DNMT3A: variants seen among roughly 807,000 people sequenced by gnomAD.
DNMT3A encodes the protein DNA (cytosine-5)-methyltransferase 3A.
In DNMT3A, 267 loss-of-function variants were observed where a neutral mutation model predicts 117.6. The observed-to-expected ratio is 2.27, with a 90% CI of 2.05 to 2.51. The LOEUF (loss-of-function observed/expected upper bound fraction) is 2.51, where lower values mean the gene tolerates loss of function less well. Ranked by LOEUF, DNMT3A falls within the 30% of genes most tolerant of loss-of-function variation. The pLI is 0.00. For synonymous variants in DNMT3A, 432 were observed against 474.8 expected (o/e 0.91, Z 1.17); for missense variants, 1,029 against 1,260.2 (o/e 0.82, Z 2.78).
chr2:25,324,452 C>G (rs1193108967), intron 1 of DNMT3A, among the ~76,000 whole-genome samples: 1 of 152,194 alleles, frequency 6.6e-6, no homozygotes, highest in East Asian at 1.9e-4. Context: ...GCATGCTAAA[C>G]ACACATCTCA....
At chr2:25,278,408 A>G (rs2031630909) in intron 4 of DNMT3A, among the ~76,000 whole-genome samples, 1 of 152,228 alleles carries the variant, frequency 6.6e-6, no homozygotes, top group Non-Finnish European at 1.5e-5. Context: ...AAGGGGCCCT[A>G]TGCTCAGAGT....
At chr2:25,312,198 C>CA (rs1359811838) in intron 2 of DNMT3A, among the ~76,000 whole-genome samples, 1 of 152,208 alleles carries the variant, frequency 6.6e-6, no homozygotes, top group African/African-American at 2.4e-5. Context: ...CAGCCATGGC[C>CA]ACAGTTGCCA....
chr2:25,308,314 T>C (rs1489449720), intron 2 of DNMT3A, among the ~76,000 whole-genome samples: 1 of 152,184 alleles, frequency 6.6e-6, no homozygotes, highest in Non-Finnish European at 1.5e-5. Context: ...AACTAGGAGC[T>C]GTTTTCCTGC....
intron 3 of DNMT3A, among the ~76,000 whole-genome samples, chr2:25,288,914 A>G (rs933986561): frequency 6.6e-6 from 1 of 152,158 alleles, no homozygotes; most frequent in Non-Finnish European, 1.5e-5. Flanking sequence ...AGGTGTGGAC[A>G]GCTGCTGGCC....
intron 1 of DNMT3A, among the ~76,000 whole-genome samples, chr2:25,340,642 G>A (rs1393903881): frequency 2.0e-5 from 3 of 152,078 alleles, no homozygotes; most frequent in Non-Finnish European, 4.4e-5. Flanking sequence ...CGAAGACCCC[G>A]CTCCGCAGCC....
rs1672748981 is a variant in DNMT3A at position 25,228,229 on chromosome 2, A to T, written c.*6050T>A. On this transcript the variant is annotated 3_prime_UTR_variant, in exon 23 of 23. Transcript: ENST00000321117. ...AAAAAAAAAAAAAAAAAAAAAAAAA[A>T]AAAAAAAAAAAAAAAAAAAAAAATA... 1 of 132,562 alleles carries T rather than the reference A, an allele frequency of 7.5e-6. No homozygotes were observed. 8.2% of individuals were successfully genotyped at this position (132,562 alleles called of 1,614,324 possible).
chr2:25,317,059 T>TTTTG (rs772333582), intron 1 of DNMT3A, among the ~76,000 whole-genome samples: 3 of 152,090 alleles, frequency 2.0e-5, no homozygotes, highest in African/African-American at 7.2e-5. Flanking sequence ...TAGAAACATT[T>TTTTG]TTTGTTTGTT....
In DNMT3A at chr2:25,305,538, A is replaced by T. The variant is rs1229766458; in HGVS notation, c.73-5295T>A. 6.6e-6 allele frequency among the ~76,000 whole-genome samples: 1 copy of T among 152,144 alleles called. No homozygotes were observed. Among genetic ancestry groups the T allele is most frequent in the Non-Finnish European group, 1.5e-5 (1 of 68,006 alleles). ...CTTTACAGAAAGCAGAGCTGGTATT[A>T]TTTTTTTCTGTTACACAGATGAAAC... On this transcript the variant is annotated intron_variant, in intron 2 of 22. Coordinates refer to ENST00000321117, the MANE Select transcript of DNMT3A (RefSeq NM_022552.5). The surrounding 1 kb of genome is among the most constrained non-coding windows in gnomAD (Gnocchi z 4.1).
rs1014504500 is a variant in DNMT3A, at chr2:25,247,948, G to A, written c.855+89C>T. 2.2e-5 allele frequency: 34 copies of A among 1,579,138 alleles called. No homozygotes were observed. The highest frequency in any genetic ancestry group is 2.7e-5 in the Non-Finnish European group (31 of 1,160,932). ...GGTGGAGAGAGCGAGCGGCCCGTGGGAGATGGAGAGAGGAGAGCAGGACGG... is the reference window on the plus strand; with the variant it reads ...GGTGGAGAGAGCGAGCGGCCCGTGGAAGATGGAGAGAGGAGAGCAGGACGG... On this transcript the variant is annotated intron_variant, in intron 7 of 22. Coordinates refer to ENST00000321117, the MANE Select transcript of DNMT3A (RefSeq NM_022552.5). The surrounding 1 kb of genome is among the most constrained non-coding windows in gnomAD (Gnocchi z 5.6).
intron 6 of DNMT3A, among the ~76,000 whole-genome samples, chr2:25,260,155 C>G (rs1227887883): frequency 6.6e-6 from 1 of 152,178 alleles, no homozygotes; most frequent in Non-Finnish European, 1.5e-5. Flanking sequence ...TAGAGAGACC[C>G]CCGCCGCCAA....
rs1376755005 is a variant in DNMT3A at position 25,230,088 on chromosome 2, C to G, written c.*4191G>C. 3.3e-5 allele frequency: 5 copies of G among 152,222 alleles called. No individual in the cohort carries two copies. The highest frequency in any genetic ancestry group is 9.7e-5 in the African/African-American group (4 of 41,446). 9.4% of individuals were successfully genotyped at this position (152,222 alleles called of 1,614,324 possible). On this transcript the variant is annotated 3_prime_UTR_variant, in exon 23 of 23. Coordinates refer to ENST00000321117, the MANE Select transcript of DNMT3A (RefSeq NM_022552.5). ...CAGTCAATCACACCCAGGCCTGTTTCAAAAGCTAACAGGTCCCGGGTGCTC... is the reference window on the plus strand; with the variant it reads ...CAGTCAATCACACCCAGGCCTGTTTGAAAAGCTAACAGGTCCCGGGTGCTC...
At chr2:25,275,432 C>CA in intron 5 of DNMT3A, 68 bp downstream of exon 5, 1 of 1,512,586 alleles carries the variant, frequency 6.6e-7, no homozygotes, top group South Asian at 1.2e-5. Context: ...CCCCCTCACA[C>CA]ACACTCGCCA....
chr2:25,331,747 A>G (rs974204264), intron 1 of DNMT3A, among the ~76,000 whole-genome samples: 1 of 152,108 alleles, frequency 6.6e-6, no homozygotes, highest in African/African-American at 2.4e-5. Flanking sequence ...CCATCGCACA[A>G]GGCACCCCGC....
At chr2:25,300,023 T>G in intron 3 of DNMT3A, 116 bp downstream of exon 3, 1 of 1,039,424 alleles carries the variant, frequency 9.6e-7, no homozygotes, top group East Asian at 2.8e-5. Context: ...GTATACCCCA[T>G]CACCTGGTCT....
chr2:25,272,803 CTTTTTTTT>C (rs1217338234), intron 6 of DNMT3A, among the ~76,000 whole-genome samples: 1 of 130,698 alleles, frequency 7.7e-6, no homozygotes, highest in East Asian at 2.1e-4. Flanking sequence ...TGCACTTTCT[CTTTTTTTT>C]TTTTTTTTGA....
Position 25,246,120 on chromosome 2 carries a change from G to A in DNMT3A, c.1429+40C>T, listed in dbSNP as rs769564249. The A allele has an allele frequency of 4.3e-6, 7 of 1,614,078 alleles. No individual in the cohort carries two copies. In the African/African-American group the frequency reaches 9.3e-5, roughly 22 times the overall value. On this transcript the variant is annotated intron_variant, in intron 11 of 22. Transcript: ENST00000321117. ...AGGCCGCGCCTGCTCCTCGGATGCA[G>A]GCCTCCTGGTGCCACCCTCTCCAGA...
intron 6 of DNMT3A, among the ~76,000 whole-genome samples, chr2:25,269,352 G>A (rs2030659378): frequency 1.3e-5 from 2 of 152,188 alleles, no homozygotes; most frequent in South Asian, 4.1e-4. Flanking sequence ...CCCCAGTGAG[G>A]GTTACAGGGA....
chr2:25,241,925 A>G, intron 16 of DNMT3A: 1 of 575,080 alleles, frequency 1.7e-6, no homozygotes, highest in Non-Finnish European at 2.9e-6. Flanking sequence ...GCCTATCTGG[A>G]AGGCAGTCAA....
At position 25,286,573 on chromosome 2, in the gene DNMT3A, C is replaced by T. The variant is rs542786593; in HGVS notation, c.178-3862G>A. 4.6e-5 allele frequency among the ~76,000 whole-genome samples: 7 copies of T among 152,328 alleles called. No homozygotes were observed. The highest frequency in any genetic ancestry group is 4.1e-4 in the South Asian group (2 of 4,828). ...GGGGGGAGGGCAATGACTTCTGCCA[C>T]GCTCAACCCTTGATTCATCCTACCC... is the stretch of plus-strand genomic sequence containing the variant. On this transcript the variant is annotated intron_variant, in intron 3 of 22. Transcript: ENST00000321117. The surrounding 1 kb of genome is among the most constrained non-coding windows in gnomAD (Gnocchi z 4.3).
Sources: allele counts gnomAD v4.1 joint callset (sites outside exome capture counted in the v4.1 genomes callset), GRCh38; gene constraint gnomAD v4.1.1; non-coding constraint Gnocchi (gnomAD v3.1); transcripts MANE v1.5; gene names NCBI Gene and HGNC (gene_info 2026-07-23, HGNC 2026-07-21).